The following TUT4 variants were observed in gnomAD, a reference collection of about 807,000 sequenced individuals.
TUT4 encodes terminal uridylyl transferase 4, also known as terminal uridylyltransferase 4.
TUT4 carries 36 observed loss-of-function variants against 192.2 expected under a neutral mutation model. The observed-to-expected ratio is 0.19, with a 90% CI of 0.14 to 0.25. TUT4 has a LOEUF of 0.25. TUT4 is among the 10% of genes least tolerant of loss of function. The pLI, the probability that TUT4 is intolerant of heterozygous loss-of-function variation, is 1.00. For synonymous variants in TUT4, 618 were observed against 666.0 expected, an observed-to-expected ratio of 0.93 and a Z score of 1.11; for missense variants, 1,493 against 1,957.2, an observed-to-expected ratio of 0.76 and a Z score of 4.47.
At chr1:52,537,431 C>T (rs1685239803) in intron 1 of TUT4, among the ~76,000 whole-genome samples, 1 of 152,080 alleles carries the variant, frequency 6.6e-6, no homozygotes, top group African/African-American at 2.4e-5. Flanking sequence ...CCAGCAAGGA[C>T]ATATAACAGT....
intron 5 of TUT4, among the ~76,000 whole-genome samples, chr1:52,496,072 T>C (rs1672370372): frequency 6.6e-6 from 1 of 152,138 alleles, no homozygotes; most frequent in East Asian, 1.9e-4. Context: ...TGAAACATGT[T>C]ATTCCAAAAA....
intron 4 of TUT4, among the ~76,000 whole-genome samples, chr1:52,498,303 G>A (rs1042923266): frequency 2.0e-5 from 3 of 147,022 alleles, no homozygotes; most frequent in Non-Finnish European, 4.5e-5. Context: ...GTGCAGTGGC[G>A]CGATCTCAGC....
intron 20 of TUT4, among the ~76,000 whole-genome samples, chr1:52,452,848 G>C (rs75316227): frequency 0.012 from 1,878 of 152,268 alleles, 34 homozygotes; most frequent in African/African-American, 0.043. Context: ...ACTTTAAGCT[G>C]GTCAGTCAGA....
At chr1:52,462,617 C>T (rs182449670) in intron 16 of TUT4, 6 of 567,278 alleles carry the variant, frequency 1.1e-5, no homozygotes, top group Non-Finnish European at 1.1e-5. Context: ...GGGAGGATTA[C>T]ATGAGACATG....
rs1668044570 is a variant in TUT4 at position 52,479,890 on chromosome 1, GA to G, written c.1848+1532del. 2.0e-5 allele frequency among the ~76,000 whole-genome samples: 3 copies of G among 151,830 alleles called. No individual in the cohort carries two copies. The South Asian group carries it at 6.2e-4, about 32-fold the overall frequency. On this transcript the variant is annotated intron_variant, in intron 11 of 29. Transcript: ENST00000257177. ...GGCACCTGTAGTCCCAGCTACTTGG[GA>G]GGCTGAGGCAGGAGAATGGTGTGAA...
intron 15 of TUT4, among the ~76,000 whole-genome samples, chr1:52,465,535 T>C (rs1663856745): frequency 6.6e-6 from 1 of 152,234 alleles, no homozygotes; most frequent in African/African-American, 2.4e-5. Flanking sequence ...TTAATATCTG[T>C]CTCTCAATGT....
At chr1:52,499,754 A>G (rs1381073658) in intron 4 of TUT4, among the ~76,000 whole-genome samples, 5 of 151,390 alleles carry the variant, frequency 3.3e-5, no homozygotes, top group African/African-American at 1.2e-4. Context: ...ATAAAAATAA[A>G]GACAGACATG....
intron 1 of TUT4, among the ~76,000 whole-genome samples, chr1:52,540,164 A>G (rs1281225792): frequency 1.3e-5 from 2 of 151,274 alleles, no homozygotes; most frequent in Non-Finnish European, 2.9e-5. Flanking sequence ...GACTGCAGTG[A>G]GCCAAGATCA....
At chr1:52,550,862 A>G (rs888623260) in intron 1 of TUT4, among the ~76,000 whole-genome samples, 1 of 152,188 alleles carries the variant, frequency 6.6e-6, no homozygotes, top group Non-Finnish European at 1.5e-5. Flanking sequence ...GAATAAATTC[A>G]AACACCTTTC....
chr1:52,545,582 G>A (rs1446004585), intron 1 of TUT4, among the ~76,000 whole-genome samples: 1 of 152,014 alleles, frequency 6.6e-6, no homozygotes, highest in Non-Finnish European at 1.5e-5. Flanking sequence ...GTGAAAAGAT[G>A]CTGAATATCA....
chr1:52,496,678 G>C (rs536288502), intron 5 of TUT4, among the ~76,000 whole-genome samples: 1 of 152,182 alleles, frequency 6.6e-6, no homozygotes, highest in East Asian at 1.9e-4. Context: ...TCAGTGACTG[G>C]ATGAAATGTT....
chr1:52,474,974 T>G lies in TUT4; in HGVS notation c.2585A>C (p.His862Pro), dbSNP rs1330351269. 1.2e-6 allele frequency: 2 copies of G among 1,614,240 alleles called. No homozygotes were observed. Among genetic ancestry groups the G allele is most frequent in the African/African-American group, 1.3e-5 (1 of 75,070 alleles). ...CRSNLETESS[H>P]QSVCTDTSAT... is the part of the protein sequence containing the mutation. The stretch of plus-strand genomic sequence containing the variant: ...AGATGTGTCGGTGCACACACTCTGA[T>G]GTGAACTCTCTGTTTCTAAATTTGA... Residue 862 changes from histidine to proline, a missense_variant, in exon 13 of 30, where the codon CAT becomes CCT. Around this residue, in one of 7 missense-constraint regions of TUT4, gnomAD observed 245 missense variants for 218.4 expected, o/e 1.12. Transcript: ENST00000257177.
At chr1:52,436,148 G>A (rs1225620204) in intron 26 of TUT4, among the ~76,000 whole-genome samples, 2 of 152,162 alleles carry the variant, frequency 1.3e-5, no homozygotes, top group Non-Finnish European at 2.9e-5. Flanking sequence ...AAAGTCTCTT[G>A]TAAAGAATGT....
intron 9 of TUT4, 39 bp downstream of exon 9, chr1:52,488,869 CT>C: frequency 6.4e-7 from 1 of 1,569,442 alleles, no homozygotes. Context: ...ACATTTCCTT[CT>C]AAAAATATAA....
intron 2 of TUT4, among the ~76,000 whole-genome samples, chr1:52,520,856 G>A (rs1044501888): frequency 2.6e-5 from 4 of 151,836 alleles, no homozygotes; most frequent in East Asian, 1.9e-4. Context: ...GCAATGACGC[G>A]ATCTCAGCTC....
chr1:52,456,310 A>G lies in TUT4; in HGVS notation c.3435+2026T>C, dbSNP rs537813765. Among the ~76,000 whole-genome samples the G allele has an allele frequency of 9.9e-4, 149 of 150,354 alleles. 1 individual carries two copies. The highest frequency in any genetic ancestry group is 2.0e-3 in the Non-Finnish European group (134 of 67,542). On this transcript the variant is annotated intron_variant, in intron 20 of 29. Transcript: ENST00000257177. ...CCCAGCTACTCAGGAGGCTTAGGCA[A>G]GAGAATTGCTTTAATCGCTTGAACC...
chr1:52,533,928 T>C (rs1684185846), intron 1 of TUT4, among the ~76,000 whole-genome samples: 1 of 152,182 alleles, frequency 6.6e-6, no homozygotes, highest in Non-Finnish European at 1.5e-5. Flanking sequence ...ATTGCACCAC[T>C]GCACTCCAAC....
intron 1 of TUT4, among the ~76,000 whole-genome samples, chr1:52,545,249 C>T (rs1260679077): frequency 1.3e-5 from 2 of 151,208 alleles, no homozygotes; most frequent in African/African-American, 4.9e-5. Context: ...TAGTGGCAAG[C>T]GCCTGTAATC....
At chr1:52,487,067 T>C (rs1669972214) in intron 9 of TUT4, among the ~76,000 whole-genome samples, 1 of 152,164 alleles carries the variant, frequency 6.6e-6, no homozygotes, top group African/African-American at 2.4e-5. Flanking sequence ...TGAAGTATAT[T>C]CTCATGAATT....
Sources: allele counts gnomAD v4.1 joint callset (sites outside exome capture counted in the v4.1 genomes callset), GRCh38; gene constraint gnomAD v4.1.1; regional missense constraint gnomAD v4.1.1; transcripts MANE v1.5; gene names NCBI Gene and HGNC (gene_info 2026-07-23, HGNC 2026-07-21).